Variants in C2CD3 observed in about 807,000 individuals in gnomAD.
C2CD3 encodes C2 domain containing 3 centriole elongation regulator, also known as C2 domain-containing protein 3.
Under a neutral mutation model 234.0 loss-of-function variants are expected in C2CD3, and 148 were observed. That is an observed-to-expected ratio of 0.63 (90% CI 0.55 to 0.72). The LOEUF (loss-of-function observed/expected upper bound fraction) is 0.72. Among genes scored for constraint, C2CD3 ranks in the 30% least tolerant of loss-of-function variants. C2CD3 has a pLI of 0.00. For missense variants in C2CD3, 2,577 were observed against 2,811.5 expected (o/e 0.92, Z 1.89); for synonymous variants, 1,000 against 1,035.4 (o/e 0.97, Z 0.66).
intron 1 of C2CD3, 86 bp from the exon 2 acceptor site, chr11:74,168,699 A>G: frequency 8.0e-7 from 1 of 1,253,610 alleles, no homozygotes; most frequent in East Asian, 2.3e-5. Flanking sequence ...AAACAAACAG[A>G]ACACTTTAGT....
At chr11:74,067,453 G>C (rs1215905493) in intron 24 of C2CD3, among the ~76,000 whole-genome samples, 1 of 151,994 alleles carries the variant, frequency 6.6e-6, no homozygotes, top group African/African-American at 2.4e-5. Context: ...ATAATCACTG[G>C]CTACAACTTG....
At chr11:74,168,637 G>C in intron 1 of C2CD3, 24 bp from the exon 2 acceptor site, 2 of 1,595,054 alleles carry the variant, frequency 1.3e-6, no homozygotes, top group Non-Finnish European at 1.7e-6. Context: ...CAAGAAAACT[G>C]AGTCAAAATT....
At chr11:74,013,879 G>C (rs1951782066) in intron 32 of C2CD3, among the ~76,000 whole-genome samples, 1 of 152,186 alleles carries the variant, frequency 6.6e-6, no homozygotes. Flanking sequence ...CCCTTCTCCT[G>C]TTGCATGGCT....
At chr11:74,041,958 T>TG in intron 29 of C2CD3, 96 bp downstream of exon 29, 1 of 1,235,680 alleles carries the variant, frequency 8.1e-7, no homozygotes, top group Non-Finnish European at 1.2e-6. Flanking sequence ...CCTAGGGCGG[T>TG]GGCAGGTGAT....
At chr11:74,116,207 A>C (rs1956922205) in intron 9 of C2CD3, among the ~76,000 whole-genome samples, 1 of 152,218 alleles carries the variant, frequency 6.6e-6, no homozygotes, top group Non-Finnish European at 1.5e-5. Flanking sequence ...ATGGGAGAAA[A>C]TCTTCACAAT....
intron 26 of C2CD3, among the ~76,000 whole-genome samples, chr11:74,052,256 T>C (rs1022178383): frequency 6.6e-6 from 1 of 152,210 alleles, no homozygotes; most frequent in Non-Finnish European, 1.5e-5. Context: ...AGTCCTAGCA[T>C]AGTACCTGAC....
chr11:74,029,561 G>T (rs1952438460), intron 31 of C2CD3, among the ~76,000 whole-genome samples: 1 of 152,246 alleles, frequency 6.6e-6, no homozygotes, highest in African/African-American at 2.4e-5. Flanking sequence ...CAGAGGCCCA[G>T]GTGAGGTAGG....
At chr11:74,025,324 G>A (rs1444879002) in intron 32 of C2CD3, among the ~76,000 whole-genome samples, 5 of 152,134 alleles carry the variant, frequency 3.3e-5, no homozygotes, top group Non-Finnish European at 5.9e-5. Context: ...CAGGCTGGGC[G>A]TGGTGGCTCA....
chr11:74,048,094 C>T, intron 28 of C2CD3, 111 bp downstream of exon 28: 2 of 1,185,092 alleles, frequency 1.7e-6, no homozygotes, highest in Non-Finnish European at 2.4e-6. Context: ...CAACAAAGCT[C>T]TTACCCTGTC....
At chr11:74,088,013 A>C (rs530185099) in intron 20 of C2CD3, among the ~76,000 whole-genome samples, 1 of 152,310 alleles carries the variant, frequency 6.6e-6, no homozygotes, top group East Asian at 1.9e-4. Context: ...TGATGAGAGA[A>C]GACTAATTTA....
intron 10 of C2CD3, 109 bp downstream of exon 10, chr11:74,114,275 T>C: frequency 1.4e-6 from 1 of 739,718 alleles, no homozygotes; most frequent in South Asian, 1.7e-5. Flanking sequence ...GATTAAATGA[T>C]GCATATGAAA....
intron 17 of C2CD3, among the ~76,000 whole-genome samples, chr11:74,094,682 G>A (rs1389897721): frequency 6.6e-6 from 1 of 152,056 alleles, no homozygotes; most frequent in African/African-American, 2.4e-5. Context: ...TTGTTAGTGG[G>A]GCAGCCCCAA....
At chr11:74,094,132 C>A in intron 17 of C2CD3, 133 bp from the exon 18 acceptor site, 1 of 592,898 alleles carries the variant, frequency 1.7e-6, no homozygotes, top group Non-Finnish European at 2.7e-6. Context: ...CATGATAATA[C>A]AGAAGAAAAA....
chr11:74,108,884 T>C lies in C2CD3; in HGVS notation c.1962+150A>G, dbSNP rs564073717. On this transcript the variant is annotated intron_variant, in intron 12 of 32. Coordinates refer to ENST00000334126, the MANE Select transcript of C2CD3 (RefSeq NM_001286577.2). The stretch of plus-strand genomic sequence containing the variant: ...CAGAGATTAGTAGTAGTAATAATAA[T>C]AATGATAATAATAATAATAATAATA... The C allele has an allele frequency of 1.7e-5, 6 of 354,192 alleles. No individual in the cohort carries two copies. The East Asian group carries it at 2.6e-4, about 16-fold the overall frequency. 21.9% of individuals were successfully genotyped at this position (354,192 alleles called of 1,614,324 possible).
chr11:74,156,211 T>C (rs1332741785), intron 3 of C2CD3, among the ~76,000 whole-genome samples: 2 of 149,960 alleles, frequency 1.3e-5, no homozygotes, highest in East Asian at 2.0e-4. Context: ...GAGGTGGAGG[T>C]TGCAGTGAGC....
At chr11:74,022,560 A>G (rs1952134847) in intron 32 of C2CD3, among the ~76,000 whole-genome samples, 1 of 152,174 alleles carries the variant, frequency 6.6e-6, no homozygotes, top group African/African-American at 2.4e-5. Flanking sequence ...AAGAGTGAAA[A>G]TCTACAGAGC....
chr11:74,165,027 C>T (rs771070332), intron 2 of C2CD3, among the ~76,000 whole-genome samples: 5 of 152,112 alleles, frequency 3.3e-5, no homozygotes, highest in African/African-American at 4.8e-5. Flanking sequence ...ACTGTGTTTG[C>T]ATCGCTGCAC....
rs559921460 is a variant in C2CD3 at position 74,026,223 on chromosome 11, C to G, written c.6921+2064G>C. On this transcript the variant is annotated intron_variant, in intron 32 of 32. Coordinates refer to ENST00000334126, the MANE Select transcript of C2CD3 (RefSeq NM_001286577.2). ...CTCGAGAGGCTGAGGCAGAGGATCA[C>G]TTGAACCCAGGAGTTTGCGGGTGCA... Among the ~76,000 whole-genome samples, 13 of 152,100 alleles carry G rather than the reference C, an allele frequency of 8.5e-5. No individual in the cohort carries two copies. The South Asian group carries it at 2.7e-3, about 32-fold the overall frequency.
At chr11:74,169,271 T>C (rs1281802424) in intron 1 of C2CD3, among the ~76,000 whole-genome samples, 1 of 152,210 alleles carries the variant, frequency 6.6e-6, no homozygotes, top group Non-Finnish European at 1.5e-5. Context: ...ATATATTTAT[T>C]GGCTTTAGTA....
Sources: gnomAD v4.1 joint callset for allele counts (sites outside exome capture counted in the v4.1 genomes callset) on GRCh38, gnomAD v4.1.1 for gene constraint, MANE v1.5 for transcripts, NCBI Gene and HGNC (gene_info 2026-07-23, HGNC 2026-07-21) for gene names.